SEMA3D: variants seen among roughly 807,000 people sequenced by gnomAD.
SEMA3D encodes semaphorin 3D, also known as semaphorin-3D.
Under a neutral mutation model 100.1 loss-of-function variants are expected in SEMA3D, and 84 were observed. That is an observed-to-expected ratio of 0.84 (90% CI 0.70 to 1.01). The LOEUF (loss-of-function observed/expected upper bound fraction) is 1.01. SEMA3D is among the 50% of genes least tolerant of loss of function. The probability of loss-of-function intolerance (pLI) is 0.00; values close to 1 mark genes in which losing one functional copy is unlikely to be tolerated. For missense variants in SEMA3D, 875 were observed against 934.1 expected, an observed-to-expected ratio of 0.94 and a Z score of 0.82; for synonymous variants, 312 against 320.7, an observed-to-expected ratio of 0.97 and a Z score of 0.29.
At chr7:85,241,779 TACTC>T in the SEMA3D span, among the ~76,000 whole-genome samples, 1 of 151,578 alleles carries the variant, frequency 6.6e-6, no homozygotes, top group African/African-American at 2.4e-5. Context: ...CCAAATAACT[TACTC>T]AGGTAACCAA....
chr7:85,166,401 G>C (rs1790906422), intron 1 of SEMA3D, among the ~76,000 whole-genome samples: 1 of 151,936 alleles, frequency 6.6e-6, no homozygotes, highest in South Asian at 2.1e-4. Context: ...CATGGTGTTG[G>C]CAGTGACGAT....
At chr7:85,174,160 C>G (rs1791161263) in intron 1 of SEMA3D, among the ~76,000 whole-genome samples, 1 of 152,062 alleles carries the variant, frequency 6.6e-6, no homozygotes. Context: ...AGAAAAAAGA[C>G]CAAGACTACA....
the SEMA3D span, among the ~76,000 whole-genome samples, chr7:85,243,161 G>C: frequency 1.3e-5 from 2 of 152,130 alleles, no homozygotes; most frequent in Non-Finnish European, 2.9e-5. Context: ...AACCTCAGCA[G>C]GTTAAGTTCT....
At chr7:85,093,200 G>A (rs373378892) in intron 4 of SEMA3D, among the ~76,000 whole-genome samples, 2 of 152,140 alleles carry the variant, frequency 1.3e-5, no homozygotes, top group East Asian at 3.9e-4. Context: ...CTCTGTAAGT[G>A]TAGTATTCAA....
the SEMA3D span, among the ~76,000 whole-genome samples, chr7:85,236,458 C>G: frequency 6.6e-6 from 1 of 151,744 alleles, no homozygotes; most frequent in African/African-American, 2.4e-5. Flanking sequence ...CAGGCACGAG[C>G]CACCATGCCC....
At chr7:85,027,245 T>C (rs1317461371) in intron 12 of SEMA3D, among the ~76,000 whole-genome samples, 1 of 152,072 alleles carries the variant, frequency 6.6e-6, no homozygotes, top group Non-Finnish European at 1.5e-5. Context: ...TTATAATTTT[T>C]CAATGACTCT....
intron 18 of SEMA3D, among the ~76,000 whole-genome samples, chr7:85,005,164 G>A (rs1162798756): frequency 6.6e-6 from 1 of 151,820 alleles, no homozygotes; most frequent in Non-Finnish European, 1.5e-5. Flanking sequence ...AACTTTATTC[G>A]CTATGAAATT....
chr7:85,168,194 C>T (rs1047987679), intron 1 of SEMA3D, among the ~76,000 whole-genome samples: 1 of 151,754 alleles, frequency 6.6e-6, no homozygotes, highest in African/African-American at 2.4e-5. Flanking sequence ...CCCATCTCTA[C>T]CTACAGAGCC....
intron 16 of SEMA3D, 77 bp downstream of exon 16, chr7:85,014,982 C>G: frequency 1.8e-6 from 2 of 1,099,522 alleles, no homozygotes; most frequent in South Asian, 1.6e-5. Flanking sequence ...TTAACTTAAA[C>G]TATAAGACAA....
At chr7:85,249,263 C>T in the SEMA3D span, among the ~76,000 whole-genome samples, 1 of 152,142 alleles carries the variant, frequency 6.6e-6, no homozygotes, top group Non-Finnish European at 1.5e-5. Context: ...GTCTACAAAA[C>T]ATCTGACCAA....
chr7:85,211,109 C>T, the SEMA3D span, among the ~76,000 whole-genome samples: 44 of 152,024 alleles, frequency 2.9e-4, no homozygotes, highest in African/African-American at 4.6e-4. Context: ...GTGTCTTATA[C>T]GGAGCAATTA....
intron 1 of SEMA3D, among the ~76,000 whole-genome samples, chr7:85,169,920 T>C (rs1791040335): frequency 6.6e-6 from 1 of 151,768 alleles, no homozygotes; most frequent in Admixed American, 6.6e-5. Context: ...TAAATTTAAA[T>C]TATTTATTTT....
At chr7:85,014,631 A>C (rs1055900162) in intron 16 of SEMA3D, among the ~76,000 whole-genome samples, 5 of 151,824 alleles carry the variant, frequency 3.3e-5, no homozygotes, top group Admixed American at 2.6e-4. Flanking sequence ...ACTAGGCTGC[A>C]CTGTGGGTTT....
At chr7:85,001,833 T>C in intron 18 of SEMA3D, among the ~76,000 whole-genome samples, 1 of 152,294 alleles carries the variant, frequency 6.6e-6, no homozygotes, top group East Asian at 1.9e-4. Context: ...GTAATTCTCT[T>C]AATAGAAAAT....
intron 2 of SEMA3D, among the ~76,000 whole-genome samples, chr7:85,150,347 A>ATATATATATATATATATATATATAT (rs1562836122): frequency 6.2e-5 from 1 of 16,098 alleles, no homozygotes; most frequent in Admixed American, 6.2e-4. Flanking sequence ...TTTTCTAGAA[A>ATATATATATATATATATATATATAT]TATATATATA....
At chr7:85,026,839 G>T (rs1790403458) in intron 12 of SEMA3D, among the ~76,000 whole-genome samples, 1 of 151,996 alleles carries the variant, frequency 6.6e-6, no homozygotes, top group South Asian at 2.1e-4. Context: ...AATAGTTTAG[G>T]TGGGGCAGAA....
intron 12 of SEMA3D, chr7:85,029,082 C>A (rs1417397621): frequency 1.8e-6 from 1 of 551,772 alleles, no homozygotes; most frequent in South Asian, 1.8e-5. Flanking sequence ...GTGATGCTAC[C>A]ATTCCTACCA....
At chr7:85,012,915 A>G in intron 16 of SEMA3D, 69 bp from the exon 17 acceptor site, 1 of 1,197,164 alleles carries the variant, frequency 8.4e-7, no homozygotes, top group Non-Finnish European at 1.2e-6. Context: ...GGCTACATCT[A>G]ATACTAATAA....
Position 85,073,022 on chromosome 7 carries a change from C to G in SEMA3D, c.435G>C (p.Val145=). 6.2e-7 allele frequency: 1 copy of G among 1,611,104 alleles called. No homozygotes were observed. Among genetic ancestry groups the G allele is most frequent in the East Asian group, 2.2e-5 (1 of 44,826 alleles). The change falls in exon 6 of 19, where the codon GTG becomes GTC. Residue 145 remains valine, a synonymous_variant. Transcript: ENST00000284136. ...LQPYNKTHIY[V]CGTGAFHPIC... is the part of the protein sequence containing the mutation. Reference sequence around the variant, plus strand: ...TTGGATGAAATGCTCCAGTTCCACACACATATATGTGAGTTTTGTTATAGG... The same window carrying G: ...TTGGATGAAATGCTCCAGTTCCACAGACATATATGTGAGTTTTGTTATAGG...
Sources: allele counts gnomAD v4.1 joint callset (sites outside exome capture counted in the v4.1 genomes callset), GRCh38; gene constraint gnomAD v4.1.1; transcripts MANE v1.5; gene names NCBI Gene and HGNC (gene_info 2026-07-23, HGNC 2026-07-21).